The following ADCY5 variants were observed in gnomAD, a reference collection of about 807,000 sequenced individuals.
ADCY5 encodes the protein adenylate cyclase 5, also known as adenylate cyclase type 5.
ADCY5 carries 30 observed loss-of-function variants against 119.7 expected under a neutral mutation model. The observed-to-expected ratio is 0.25, with a 90% confidence interval of 0.19 to 0.34. ADCY5 has a LOEUF of 0.34. ADCY5 is among the 10% of genes least tolerant of loss of function. The pLI is 1.00. For missense variants in ADCY5, 1,324 were observed against 1,775.2 expected (o/e 0.75, Z 4.57); for synonymous variants, 753 against 762.2 (o/e 0.99, Z 0.20).
intron 1 of ADCY5, among the ~76,000 whole-genome samples, chr3:123,433,999 C>T (rs182222230): frequency 5.1e-4 from 78 of 152,282 alleles, no homozygotes; most frequent in African/African-American, 1.8e-3. Context: ...ATTTAATGCC[C>T]GTCTGAGCCA....
chr3:123,351,848 C>T (rs1473976448), intron 2 of ADCY5, among the ~76,000 whole-genome samples: 1 of 152,208 alleles, frequency 6.6e-6, no homozygotes, highest in Admixed American at 6.5e-5. Context: ...CACCAGGAAT[C>T]TGTGGCCCTG....
intron 19 of ADCY5, among the ~76,000 whole-genome samples, chr3:123,287,298 C>T (rs1433915606): frequency 6.6e-6 from 1 of 152,180 alleles, no homozygotes; most frequent in Non-Finnish European, 1.5e-5. Context: ...CAAGCTCTGG[C>T]CACCACTTCG....
intron 4 of ADCY5, among the ~76,000 whole-genome samples, chr3:123,332,025 A>G (rs1941788449): frequency 1.3e-5 from 2 of 152,230 alleles, no homozygotes; most frequent in Admixed American, 1.3e-4. Flanking sequence ...ATAGGGGCCT[A>G]AGGAATGAAC....
chr3:123,327,151 G>A (rs1941530335), intron 7 of ADCY5, among the ~76,000 whole-genome samples: 1 of 152,178 alleles, frequency 6.6e-6, no homozygotes, highest in African/African-American at 2.4e-5. Flanking sequence ...CTGAGACAAA[G>A]GGGGAAAAAG....
At chr3:123,303,892 AGAAG>A (rs1252322374) in intron 13 of ADCY5, among the ~76,000 whole-genome samples, 171 bp downstream of exon 13, 2 of 80,294 alleles carry the variant, frequency 2.5e-5, no homozygotes, top group Non-Finnish European at 4.6e-5. Context: ...AGAAGAGAAG[AGAAG>A]AAAGAACTTG....
intron 1 of ADCY5, among the ~76,000 whole-genome samples, chr3:123,353,190 C>A (rs867865446): frequency 2.0e-4 from 30 of 152,322 alleles, no homozygotes; most frequent in African/African-American, 7.2e-4. Flanking sequence ...ACCACTGCAC[C>A]AGCCGGCCAG....
At chr3:123,434,681 T>C (rs1576695021) in intron 1 of ADCY5, among the ~76,000 whole-genome samples, 1 of 152,294 alleles carries the variant, frequency 6.6e-6, no homozygotes, top group East Asian at 1.9e-4. Context: ...CCAAGCCTCA[T>C]CCCGAGAGTT....
At chr3:123,300,994 A>G (rs914046940) in intron 14 of ADCY5, among the ~76,000 whole-genome samples, 9 of 152,074 alleles carry the variant, frequency 5.9e-5, no homozygotes, top group African/African-American at 2.2e-4. Context: ...TGGGGCTCCA[A>G]AGGTTTCAGA....
Position 123,332,542 on chromosome 3 carries a change from C to T in ADCY5, c.1518+22G>A, listed in dbSNP as rs376740748. The T allele has an allele frequency of 3.8e-6, 6 of 1,578,370 alleles. No homozygotes were observed. The South Asian group carries it at 5.6e-5, about 15-fold the overall frequency. Reference sequence around the variant, plus strand: ...AACAGCCCAGGTCAGGCCACCCCAACCCCCGGCTCAGGGTGACTCACTGCG... The same window carrying T: ...AACAGCCCAGGTCAGGCCACCCCAATCCCCGGCTCAGGGTGACTCACTGCG... On this transcript the variant is annotated intron_variant, in intron 4 of 20. Coordinates refer to ENST00000462833, the MANE Select transcript of ADCY5 (RefSeq NM_183357.3).
At chr3:123,338,635 G>A (rs1942136072) in intron 3 of ADCY5, among the ~76,000 whole-genome samples, 3 of 152,228 alleles carry the variant, frequency 2.0e-5, no homozygotes, top group South Asian at 4.1e-4. Flanking sequence ...CGGGTGCACA[G>A]AACTGGGATA....
intron 4 of ADCY5, 78 bp downstream of exon 4, chr3:123,332,486 C>T: frequency 1.8e-6 from 2 of 1,086,120 alleles, no homozygotes; most frequent in Non-Finnish European, 2.8e-6. Context: ...CCCTGGGGTT[C>T]AGCAGGTCCT....
At chr3:123,379,762 A>G (rs1943966950) in intron 1 of ADCY5, among the ~76,000 whole-genome samples, 1 of 152,174 alleles carries the variant, frequency 6.6e-6, no homozygotes, top group African/African-American at 2.4e-5. Flanking sequence ...TGGAGCCTCC[A>G]AGTCTCAGCC....
At chr3:123,413,751 C>T (rs964744383) in intron 1 of ADCY5, among the ~76,000 whole-genome samples, 4 of 152,168 alleles carry the variant, frequency 2.6e-5, no homozygotes, top group Non-Finnish European at 5.9e-5. Context: ...AGCAGTTCAC[C>T]TGCCTTTGCT....
rs780928011 is a variant in ADCY5, at chr3:123,297,358, G to C, written c.2925C>G (p.Ser975=). The C allele has an allele frequency of 1.2e-6, 2 of 1,613,876 alleles. No individual in the cohort carries two copies. The highest frequency in any genetic ancestry group is 2.7e-5 in the African/African-American group (2 of 74,932). The change falls in exon 16 of 21, where the codon TCC becomes TCG. Residue 975 remains serine (S), a synonymous_variant. Coordinates refer to ENST00000462833, the MANE Select transcript of ADCY5 (RefSeq NM_183357.3). The part of the protein sequence containing the change: ...NAIDFFNNGT[S]QCPEHATKVA... ...TCCGAGGAGCATCAACTCACCACTG[G>C]GAGGTCCCGTTGTTGAAGAAGTCTC... is the stretch of plus-strand genomic sequence containing the variant.
At chr3:123,300,041 G>C in intron 15 of ADCY5, 79 bp downstream of exon 15, 1 of 1,492,136 alleles carries the variant, frequency 6.7e-7, no homozygotes. Context: ...TGTGGTGCCA[G>C]AACCCTAAAC....
intron 1 of ADCY5, among the ~76,000 whole-genome samples, chr3:123,362,379 T>C (rs1464459436): frequency 6.6e-6 from 1 of 152,228 alleles, no homozygotes; most frequent in Non-Finnish European, 1.5e-5. Context: ...TATCTTATTG[T>C]GGTTTTAATG....
At chr3:123,436,152 A>G (rs1194629338) in intron 1 of ADCY5, among the ~76,000 whole-genome samples, 1 of 151,630 alleles carries the variant, frequency 6.6e-6, no homozygotes, top group Non-Finnish European at 1.5e-5. Context: ...AGCCTCCCAA[A>G]GTGTTGGCAT....
intron 1 of ADCY5, among the ~76,000 whole-genome samples, chr3:123,354,593 C>G (rs183129007): frequency 6.6e-6 from 1 of 151,868 alleles, no homozygotes; most frequent in Non-Finnish European, 1.5e-5. Context: ...GAGGGGTAGG[C>G]CACAGGGAAT....
At chr3:123,320,021 C>A (rs1238106688) in intron 9 of ADCY5, among the ~76,000 whole-genome samples, 1 of 152,214 alleles carries the variant, frequency 6.6e-6, no homozygotes, top group Non-Finnish European at 1.5e-5. Flanking sequence ...AGACAACTGA[C>A]CAAGTCTCAG....
Sources: allele counts gnomAD v4.1 joint callset (sites outside exome capture counted in the v4.1 genomes callset), GRCh38; gene constraint gnomAD v4.1.1; transcripts MANE v1.5; gene names NCBI Gene and HGNC (gene_info 2026-07-23, HGNC 2026-07-21).